Variants in PPP1R16A observed in about 807,000 individuals in gnomAD.
PPP1R16A encodes protein phosphatase 1 regulatory subunit 16A.
A neutral mutation model predicts 46.6 loss-of-function variants in PPP1R16A; 39 were observed. The observed-to-expected ratio is 0.84, with a 90% CI of 0.65 to 1.09. The LOEUF (loss-of-function observed/expected upper bound fraction) is 1.09. PPP1R16A is among the 50% of genes least tolerant of loss of function. The probability of loss-of-function intolerance (pLI) is 0.00; values close to 1 mark genes in which losing one functional copy is unlikely to be tolerated. For synonymous variants in PPP1R16A, 413 were observed against 321.5 expected (o/e 1.28, Z -3.04); for missense variants, 798 against 735.6 (o/e 1.08, Z -0.98).
At chr8:144,491,695 G>A (rs559778926) in intron 2 of PPP1R16A, among the ~76,000 whole-genome samples, 6 of 151,862 alleles carry the variant, frequency 4.0e-5, no homozygotes, top group South Asian at 2.1e-4. Context: ...CCTGGGAGGC[G>A]GAGCTCGCAG....
chr8:144,494,397 C>G (rs1050251857), intron 2 of PPP1R16A, among the ~76,000 whole-genome samples: 1 of 152,074 alleles, frequency 6.6e-6, no homozygotes, highest in Non-Finnish European at 1.5e-5. Context: ...GCTGCAGCCT[C>G]TACCTCCCGG....
At chr8:144,500,022 G>C (rs1414851698) in intron 5 of PPP1R16A, 74 bp from the exon 6 acceptor site, 1 of 1,484,442 alleles carries the variant, frequency 6.7e-7, no homozygotes, top group African/African-American at 1.4e-5. Context: ...GCCCTGGCGG[G>C]GACTTCTCCA....
chr8:144,491,709 G>A (rs1825815860), intron 2 of PPP1R16A, among the ~76,000 whole-genome samples: 1 of 151,632 alleles, frequency 6.6e-6, no homozygotes, highest in Non-Finnish European at 1.5e-5. Context: ...CTCGCAGTGA[G>A]CGGAGATTGC....
At chr8:144,497,602 G>A (rs2130465892) in intron 3 of PPP1R16A, 149 bp downstream of exon 3, 1 of 1,163,292 alleles carries the variant, frequency 8.6e-7, no homozygotes, top group South Asian at 1.3e-5. Flanking sequence ...CAGGCTGGGT[G>A]GCCCAGGGTG....
intron 1 of PPP1R16A, among the ~76,000 whole-genome samples, chr8:144,487,144 C>T (rs535225147): frequency 8.5e-5 from 13 of 152,166 alleles, no homozygotes; most frequent in African/African-American, 3.1e-4. Flanking sequence ...TGTGGCACCA[C>T]AACCGGCTAA....
At chr8:144,484,537 G>A (rs918720331) in intron 1 of PPP1R16A, among the ~76,000 whole-genome samples, 22 of 152,242 alleles carry the variant, frequency 1.4e-4, no homozygotes, top group Non-Finnish European at 3.1e-4. Flanking sequence ...AAATGCAGAT[G>A]CCTCAGGCTG....
chr8:144,478,370 C>T, intron 1 of PPP1R16A: 1 of 355,480 alleles, frequency 2.8e-6, no homozygotes, highest in Non-Finnish European at 5.0e-6. Flanking sequence ...TCGGGAGACG[C>T]GGCTGCCGGC....
chr8:144,486,579 C>T (rs113131315), intron 1 of PPP1R16A, among the ~76,000 whole-genome samples: 3,655 of 152,306 alleles, frequency 0.024, 141 homozygotes, highest in African/African-American at 0.084. Context: ...CTCGCTGTGG[C>T]TCTAATTTGC....
chr8:144,485,237 A>AAAAAAAC, intron 1 of PPP1R16A, among the ~76,000 whole-genome samples: 1 of 143,712 alleles, frequency 7.0e-6, no homozygotes, highest in Non-Finnish European at 1.5e-5. Context: ...AAAAAAAAAA[A>AAAAAAAC]AAAGGCCAGG....
rs373735087 is a variant in PPP1R16A, at chr8:144,500,154, G to C, written c.535G>C (p.Asp179His). ...DGNMPYDLCDDEQTLDCLETA... is the reference protein window; with the variant it reads ...DGNMPYDLCDHEQTLDCLETA... ...GAACATGCCCTATGACCTGTGTGAT[G>C]ATGAGCAGACGCTGGACTGCCTGGA... The change falls in exon 6 of 12, where the codon GAT becomes CAT. Residue 179 changes from aspartate to histidine, a missense_variant. Transcript: ENST00000435887. The C allele has an allele frequency of 2.0e-5, 32 of 1,612,230 alleles. No homozygotes were observed. The highest frequency in any genetic ancestry group is 2.7e-5 in the Non-Finnish European group (32 of 1,179,318).
chr8:144,486,632 G>A (rs956416690), intron 1 of PPP1R16A, among the ~76,000 whole-genome samples: 1 of 152,154 alleles, frequency 6.6e-6, no homozygotes, highest in Non-Finnish European at 1.5e-5. Flanking sequence ...TGTCACGGAC[G>A]CATTTGCCAT....
intron 3 of PPP1R16A, chr8:144,498,525 G>A (rs1349256285): frequency 3.9e-6 from 2 of 519,054 alleles, no homozygotes; most frequent in African/African-American, 1.9e-5. Flanking sequence ...TGTTCTGGGG[G>A]TCGGAGGGCT....
intron 1 of PPP1R16A, among the ~76,000 whole-genome samples, chr8:144,480,658 G>A (rs1189713614): frequency 4.7e-5 from 7 of 150,020 alleles, no homozygotes; most frequent in South Asian, 2.1e-4. Context: ...AGTAATTTTT[G>A]TACTTTTAGT....
intron 1 of PPP1R16A, among the ~76,000 whole-genome samples, chr8:144,483,736 T>C (rs1825532729): frequency 6.6e-6 from 1 of 151,940 alleles, no homozygotes; most frequent in African/African-American, 2.4e-5. Flanking sequence ...AGTCTTGCTC[T>C]GTTGCCCAGG....
At chr8:144,499,817 G>T in intron 5 of PPP1R16A, 1 of 436,570 alleles carries the variant, frequency 2.3e-6, no homozygotes, top group Non-Finnish European at 4.2e-6. Context: ...CAGCAGGCAG[G>T]CCCATCCAAT....
chr8:144,483,182 A>G (rs972522573), intron 1 of PPP1R16A, among the ~76,000 whole-genome samples: 1 of 152,178 alleles, frequency 6.6e-6, no homozygotes, highest in African/African-American at 2.4e-5. Context: ...AACGATGTTC[A>G]CATGTCAGTC....
intron 3 of PPP1R16A, 27 bp downstream of exon 3, chr8:144,497,480 T>C (rs768401691): frequency 1.2e-6 from 2 of 1,610,462 alleles, no homozygotes; most frequent in Non-Finnish European, 1.7e-6. Context: ...CCAGAGCAGC[T>C]CCCAGCAGAC....
chr8:144,492,888 G>A lies in PPP1R16A; in HGVS notation c.-735+2676G>A, dbSNP rs547177382. Among the ~76,000 whole-genome samples the A allele has an allele frequency of 4.6e-5, 7 of 152,150 alleles. No homozygotes were observed. In the East Asian group the frequency reaches 5.8e-4, roughly 13 times the overall value. On this transcript the variant is annotated intron_variant, in intron 2 of 11. Coordinates refer to ENST00000435887, the MANE Select transcript of PPP1R16A (RefSeq NM_001329443.2). ...ATCTCTGGGTGAATAGAGTGACACC[G>A]CCCCTCAGGCTGTGGGCTCTCGTCG... is the stretch of plus-strand genomic sequence containing the variant.
intron 1 of PPP1R16A, among the ~76,000 whole-genome samples, chr8:144,484,556 T>C (rs982059497): frequency 6.6e-6 from 1 of 152,262 alleles, no homozygotes; most frequent in African/African-American, 2.4e-5. Context: ...TGCCAGCTTC[T>C]TTCATTTAGG....
Sources: allele counts gnomAD v4.1 joint callset (sites outside exome capture counted in the v4.1 genomes callset), GRCh38; gene constraint gnomAD v4.1.1; transcripts MANE v1.5; gene names NCBI Gene and HGNC (gene_info 2026-07-23, HGNC 2026-07-21).